Variants in PRKCQ observed in about 807,000 individuals in gnomAD.
PRKCQ encodes the protein protein kinase C theta.
A neutral mutation model predicts 91.2 loss-of-function variants in PRKCQ; 41 were observed. The observed-to-expected ratio is 0.45, with a 90% CI of 0.35 to 0.58. The LOEUF is 0.58. Among genes scored for constraint, PRKCQ ranks in the 20% least tolerant of loss-of-function variants. The pLI is 0.00. For synonymous variants in PRKCQ, 307 were observed against 316.9 expected, an observed-to-expected ratio of 0.97 and a Z score of 0.33; for missense variants, 673 against 896.5, an observed-to-expected ratio of 0.75 and a Z score of 3.18.
At chr10:6,540,344 A>T (rs1179229877) in intron 1 of PRKCQ, among the ~76,000 whole-genome samples, 1 of 152,174 alleles carries the variant, frequency 6.6e-6, no homozygotes, top group African/African-American at 2.4e-5. Flanking sequence ...GAACTATTTT[A>T]TCTTCCCAAA....
intron 1 of PRKCQ, among the ~76,000 whole-genome samples, chr10:6,529,777 C>T (rs2130896910): frequency 6.6e-6 from 1 of 152,220 alleles, no homozygotes; most frequent in African/African-American, 2.4e-5. Context: ...TATAATGGAC[C>T]CACTTCATCA....
chr10:6,406,406 G>C, the PRKCQ span, among the ~76,000 whole-genome samples: 1 of 151,828 alleles, frequency 6.6e-6, no homozygotes. Context: ...CCAGAATTCG[G>C]CTGTAAAATA....
intron 12 of PRKCQ, among the ~76,000 whole-genome samples, 167 bp from the exon 13 acceptor site, chr10:6,464,571 C>T (rs1331156757): frequency 6.6e-6 from 1 of 152,200 alleles, no homozygotes; most frequent in Non-Finnish European, 1.5e-5. Flanking sequence ...CGTCAGCCTC[C>T]CTAGTAGCTG....
chr10:6,569,575 TA>T (rs1043328444), intron 1 of PRKCQ, among the ~76,000 whole-genome samples: 53 of 152,158 alleles, frequency 3.5e-4, no homozygotes, highest in African/African-American at 1.2e-3. Flanking sequence ...TAACCACGGC[TA>T]GGGAGGAGGT....
At chr10:6,425,642 A>C (rs141645476), downstream of PRKCQ, among the ~76,000 whole-genome samples, 7 of 152,298 alleles carry the variant, frequency 4.6e-5, no homozygotes, top group African/African-American at 1.4e-4. Context: ...TAAGCTTGTT[A>C]GTCACCTGAC....
At chr10:6,420,651 T>G in the PRKCQ span, among the ~76,000 whole-genome samples, 27,793 of 152,204 alleles carry the variant, frequency 0.18, 2,757 homozygotes, top group Non-Finnish European at 0.23. Flanking sequence ...GAATCATAGA[T>G]TGGCTAGTTA....
At chr10:6,411,079 G>A in the PRKCQ span, among the ~76,000 whole-genome samples, 15 of 151,958 alleles carry the variant, frequency 9.9e-5, no homozygotes, top group South Asian at 2.1e-4. Flanking sequence ...TGAGTTTTAC[G>A]GAAAAATCAA....
chr10:6,443,890 C>T (rs115437358), intron 15 of PRKCQ, among the ~76,000 whole-genome samples: 2,245 of 152,136 alleles, frequency 0.015, 49 homozygotes, highest in Middle Eastern at 0.044. Context: ...TGACAAAAAC[C>T]GTAACTACTT....
chr10:6,500,203 T>C (rs1473604642), intron 4 of PRKCQ, among the ~76,000 whole-genome samples: 2 of 152,164 alleles, frequency 1.3e-5, no homozygotes, highest in African/African-American at 2.4e-5. Context: ...TATTTACAAC[T>C]TGTGACTAGT....
the PRKCQ span, among the ~76,000 whole-genome samples, chr10:6,411,830 C>CA: frequency 2.6e-5 from 4 of 152,104 alleles, no homozygotes; most frequent in East Asian, 7.7e-4. Flanking sequence ...GAGATAAACA[C>CA]AAAGGGTTTA....
downstream of PRKCQ, among the ~76,000 whole-genome samples, chr10:6,425,684 AATG>A (rs1833099735): frequency 1.3e-5 from 2 of 152,158 alleles, no homozygotes; most frequent in African/African-American, 4.8e-5. Context: ...ATTAAAAACA[AATG>A]ATGAGGCCTG....
rs756637907 is a variant in PRKCQ, at chr10:6,498,527, T to C, written c.411A>G (p.Glu137=). The C allele has an allele frequency of 6.2e-7, 1 of 1,614,106 alleles. No homozygotes were observed. Among genetic ancestry groups the C allele is most frequent in the South Asian group, 1.1e-5 (1 of 91,082 alleles). ...GGCGCTGATGCAAAGCAAAGAAGCCTTCCGTCTCAAATTCATTCATGTCCT... is the reference window on the plus strand; with the variant it reads ...GGCGCTGATGCAAAGCAAAGAAGCCCTCCGTCTCAAATTCATTCATGTCCT... ...DTKDMNEFET[E]GFFALHQRRG... is the part of the protein sequence containing the mutation. The change falls in exon 5 of 18, where the codon GAA becomes GAG. Residue 137 remains glutamate, a synonymous_variant. Coordinates refer to ENST00000263125, the MANE Select transcript of PRKCQ (RefSeq NM_006257.5).
At chr10:6,512,508 G>A (rs1838532213) in intron 2 of PRKCQ, among the ~76,000 whole-genome samples, 1 of 152,198 alleles carries the variant, frequency 6.6e-6, no homozygotes, top group Non-Finnish European at 1.5e-5. Flanking sequence ...ACGCACATTG[G>A]ATTTTCTCTG....
In PRKCQ at chr10:6,491,762, G is replaced by A. The variant is rs1168417640; in HGVS notation, c.711C>T (p.Tyr237=). ...KIDMPHRFKV[Y]NYKSPTFCEH... ...CACAGAAGGTCGGGCTCTTGTAATTGTAGACTTTAAATCTGTGTGGCATGT... is the reference window on the plus strand; with the variant it reads ...CACAGAAGGTCGGGCTCTTGTAATTATAGACTTTAAATCTGTGTGGCATGT... Residue 237 remains tyrosine, a synonymous_variant, in exon 8 of 18, where the codon TAC becomes TAT. Transcript: ENST00000263125. 4 of 1,614,192 alleles carry A rather than the reference G, an allele frequency of 2.5e-6. No homozygotes were observed. The highest frequency in any genetic ancestry group is 3.4e-6 in the Non-Finnish European group (4 of 1,180,038).
the PRKCQ span, among the ~76,000 whole-genome samples, chr10:6,417,611 T>G: frequency 6.6e-6 from 1 of 152,216 alleles, no homozygotes; most frequent in Non-Finnish European, 1.5e-5. Context: ...CCTGGCATCT[T>G]CCCCGATGGT....
At chr10:6,555,951 G>A (rs1840395169) in intron 1 of PRKCQ, among the ~76,000 whole-genome samples, 1 of 152,202 alleles carries the variant, frequency 6.6e-6, no homozygotes, top group Non-Finnish European at 1.5e-5. Flanking sequence ...AGAGGTTGCA[G>A]TGAGCTGAGA....
intron 1 of PRKCQ, among the ~76,000 whole-genome samples, chr10:6,522,736 T>C (rs1406420656): frequency 1.3e-5 from 2 of 152,126 alleles, no homozygotes; most frequent in East Asian, 3.8e-4. Context: ...CTCACAGAAT[T>C]AAAATAACAA....
intron 15 of PRKCQ, among the ~76,000 whole-genome samples, chr10:6,448,330 T>G (rs1047835533): frequency 2.0e-5 from 3 of 151,466 alleles, no homozygotes; most frequent in Non-Finnish European, 2.9e-5. Flanking sequence ...AGGGAGAAGG[T>G]GACTGTTTGA....
At chr10:6,570,679 C>T (rs914445393) in intron 1 of PRKCQ, among the ~76,000 whole-genome samples, 2 of 151,992 alleles carry the variant, frequency 1.3e-5, no homozygotes, top group African/African-American at 4.8e-5. Flanking sequence ...CTCAGCCTCC[C>T]GAGTAGCTGG....
Sources: allele counts gnomAD v4.1 joint callset (sites outside exome capture counted in the v4.1 genomes callset), GRCh38; gene constraint gnomAD v4.1.1; transcripts MANE v1.5; gene names NCBI Gene and HGNC (gene_info 2026-07-23, HGNC 2026-07-21).